Variants in PARD3B observed in about 807,000 individuals in gnomAD.
PARD3B encodes the protein par-3 family cell polarity regulator beta.
Under a neutral mutation model 130.2 loss-of-function variants are expected in PARD3B, and 103 were observed. That is an observed-to-expected ratio of 0.79 (90% CI 0.67 to 0.93). The LOEUF is 0.93. Among genes scored for constraint, PARD3B ranks in the 40% least tolerant of loss-of-function variants. PARD3B has a pLI of 0.00. For missense variants in PARD3B, 1,609 were observed against 1,499.2 expected (o/e 1.07, Z -1.21); for synonymous variants, 583 against 553.2 (o/e 1.05, Z -0.76).
At chr2:205,583,429 G>C (rs2054076980) in intron 22 of PARD3B, among the ~76,000 whole-genome samples, 2 of 152,170 alleles carry the variant, frequency 1.3e-5, no homozygotes, top group Admixed American at 1.3e-4. Flanking sequence ...GAGAGAGAGA[G>C]AGAGAGATGC....
At chr2:205,376,102 A>G (rs6712196) in intron 18 of PARD3B, among the ~76,000 whole-genome samples, 18,259 of 152,232 alleles carry the variant, frequency 0.12, 1,178 homozygotes, top group Middle Eastern at 0.14. Flanking sequence ...CACTGTTCCA[A>G]GGACTTTACC....
At chr2:205,273,943 G>A (rs902019761) in intron 16 of PARD3B, among the ~76,000 whole-genome samples, 4 of 152,160 alleles carry the variant, frequency 2.6e-5, no homozygotes, top group African/African-American at 9.7e-5. Context: ...AAGGCTGCAT[G>A]TGAATCATAT....
At chr2:205,445,947 G>A (rs186950966) in intron 20 of PARD3B, among the ~76,000 whole-genome samples, 7 of 152,314 alleles carry the variant, frequency 4.6e-5, no homozygotes, top group Admixed American at 3.9e-4. Flanking sequence ...CAGGGAACTG[G>A]GAGGAAGATG....
chr2:204,684,302 T>C (rs1282797892), intron 1 of PARD3B, among the ~76,000 whole-genome samples: 1 of 152,212 alleles, frequency 6.6e-6, no homozygotes, highest in Non-Finnish European at 1.5e-5. Flanking sequence ...TTAGAATACA[T>C]TACTTTTTAT....
intron 19 of PARD3B, among the ~76,000 whole-genome samples, chr2:205,420,530 C>T (rs531246930): frequency 6.6e-6 from 1 of 152,168 alleles, no homozygotes; most frequent in African/African-American, 2.4e-5. Context: ...GTTCACATAT[C>T]CATCAACACC....
chr2:205,504,362 G>A (rs2050269394), intron 21 of PARD3B, among the ~76,000 whole-genome samples: 1 of 152,142 alleles, frequency 6.6e-6, no homozygotes, highest in Non-Finnish European at 1.5e-5. Flanking sequence ...AACACCAAAA[G>A]CAATGGCAAC....
rs796567936 is a variant in PARD3B, at chr2:205,550,955, G to GTGTGTATATATA, written c.3181-2368_3181-2367insGTGTATATATAT. On this transcript the variant is annotated intron_variant, in intron 21 of 22. Transcript: ENST00000406610. This position sits in a 1 kb window ranked among gnomAD's most constrained non-coding sequence, Gnocchi z 4.5. ...TGTGTGTGTGTGTATATATATATGT[G>GTGTGTATATATA]TATATATATATATATATATATACAC... 3.6e-3 allele frequency among the ~76,000 whole-genome samples: 336 copies of GTGTGTATATATA among 94,050 alleles called. No individual in the cohort carries two copies. The highest frequency in any genetic ancestry group is 0.01 in the African/African-American group (273 of 26,072). 61.7% of individuals were successfully genotyped at this position (94,050 alleles called of 152,430 possible).
intron 1 of PARD3B, among the ~76,000 whole-genome samples, chr2:204,589,905 G>T (rs917554601): frequency 3.3e-5 from 5 of 152,146 alleles, no homozygotes; most frequent in Non-Finnish European, 5.9e-5. Flanking sequence ...GAGCAGATGG[G>T]AGATGGGGAC....
intron 15 of PARD3B, among the ~76,000 whole-genome samples, chr2:205,211,939 A>G (rs937314792): frequency 2.0e-5 from 3 of 152,132 alleles, no homozygotes. Flanking sequence ...ATTGGAGAAC[A>G]TTTAGCATGT....
At chr2:204,975,373 G>A (rs563659322) in intron 3 of PARD3B, among the ~76,000 whole-genome samples, 1 of 152,216 alleles carries the variant, frequency 6.6e-6, no homozygotes, top group South Asian at 2.1e-4. Flanking sequence ...AACAATGTCC[G>A]CTACTCCCCG....
At chr2:205,232,255 G>C (rs79244864) in intron 15 of PARD3B, among the ~76,000 whole-genome samples, 1 of 152,052 alleles carries the variant, frequency 6.6e-6, no homozygotes, top group Non-Finnish European at 1.5e-5. Flanking sequence ...TTTGAGACCA[G>C]CCTGGGCGAT....
chr2:205,180,491 C>A (rs1369417360), intron 13 of PARD3B, among the ~76,000 whole-genome samples: 1 of 152,006 alleles, frequency 6.6e-6, no homozygotes, highest in Non-Finnish European at 1.5e-5. Flanking sequence ...TTGCCACTAC[C>A]AGTTTTTTTA....
intron 18 of PARD3B, among the ~76,000 whole-genome samples, chr2:205,326,327 T>C (rs180880932): frequency 3.3e-4 from 51 of 152,298 alleles, no homozygotes; most frequent in African/African-American, 1.2e-3. Context: ...CTGCATAATC[T>C]AAAGTAAACA....
chr2:204,646,249 G>A (rs774036128), intron 1 of PARD3B, among the ~76,000 whole-genome samples: 2 of 152,084 alleles, frequency 1.3e-5, no homozygotes, highest in Non-Finnish European at 2.9e-5. Flanking sequence ...TGCCACTGCT[G>A]AAACACTTTT....
At chr2:204,634,550 C>G (rs1408089830) in intron 1 of PARD3B, among the ~76,000 whole-genome samples, 1 of 152,082 alleles carries the variant, frequency 6.6e-6, no homozygotes, top group African/African-American at 2.4e-5. Context: ...CCTTCCCCTC[C>G]TTTTTGATCT....
chr2:205,170,081 C>T (rs2035066563), intron 11 of PARD3B, among the ~76,000 whole-genome samples: 1 of 152,050 alleles, frequency 6.6e-6, no homozygotes, highest in Non-Finnish European at 1.5e-5. Context: ...CAGGCATGCA[C>T]CACCGCGCCC....
chr2:205,099,370 C>T (rs1352158440), intron 4 of PARD3B, among the ~76,000 whole-genome samples: 2 of 152,140 alleles, frequency 1.3e-5, no homozygotes, highest in African/African-American at 4.8e-5. Flanking sequence ...TTGTTTATAC[C>T]TCTGATTCTT....
chr2:204,802,443 A>G (rs992179434), intron 2 of PARD3B, among the ~76,000 whole-genome samples: 1 of 152,176 alleles, frequency 6.6e-6, no homozygotes, highest in South Asian at 2.1e-4. Flanking sequence ...CGATTCCTCA[A>G]GGATCTAGAA....
chr2:204,809,831 G>T (rs2042901982), intron 2 of PARD3B, among the ~76,000 whole-genome samples: 1 of 152,110 alleles, frequency 6.6e-6, no homozygotes, highest in Non-Finnish European at 1.5e-5. Context: ...GTTGCTTTGG[G>T]CACTATGGCC....
Sources: allele counts gnomAD v4.1 joint callset (sites outside exome capture counted in the v4.1 genomes callset), GRCh38; gene constraint gnomAD v4.1.1; non-coding constraint Gnocchi (gnomAD v3.1); transcripts MANE v1.5; gene names NCBI Gene and HGNC (gene_info 2026-07-23, HGNC 2026-07-21).